The following GNPNAT1 variants were observed in gnomAD, a reference collection of about 807,000 sequenced individuals.
GNPNAT1 encodes the protein glucosamine-phosphate N-acetyltransferase 1.
GNPNAT1 carries 11 observed loss-of-function variants against 19.8 expected under a neutral mutation model. The ratio of observed to expected loss-of-function variants is 0.56; its 90% CI spans 0.35 to 0.92. GNPNAT1 has a LOEUF of 0.92. GNPNAT1 is among the 40% of genes least tolerant of loss of function. The pLI is 0.01. For synonymous variants in GNPNAT1, 71 were observed against 72.3 expected (o/e 0.98, Z 0.09); for missense variants, 157 against 211.0 (o/e 0.74, Z 1.59).
chr14:52,787,167 A>G (rs1434975075), intron 1 of GNPNAT1, among the ~76,000 whole-genome samples: 1 of 151,998 alleles, frequency 6.6e-6, no homozygotes, highest in Non-Finnish European at 1.5e-5. Flanking sequence ...ACTTATTTCT[A>G]TATCCAGTTA....
At position 52,775,520 on chromosome 14, in the gene GNPNAT1, C is replaced by G. The variant is rs1243821950; in HGVS notation, c.*2791G>C. ...TTACAGTGCATCTTAGTTGATGAAA[C>G]AAAAATATACAAAACATGAGACACA... On this transcript the variant is annotated 3_prime_UTR_variant, in exon 6 of 6. Coordinates refer to ENST00000216410, the MANE Select transcript of GNPNAT1 (RefSeq NM_198066.4). 6.6e-6 allele frequency: 1 copy of G among 151,962 alleles called. No individual in the cohort carries two copies. The highest frequency in any genetic ancestry group is 1.5e-5 in the Non-Finnish European group (1 of 67,986). 9.4% of individuals were successfully genotyped at this position (151,962 alleles called of 1,614,324 possible).
chr14:52,779,905 G>A (rs1882847704), intron 5 of GNPNAT1, among the ~76,000 whole-genome samples: 1 of 151,818 alleles, frequency 6.6e-6, no homozygotes, highest in South Asian at 2.1e-4. Context: ...CAAGTTCTTG[G>A]GCCAGGCACA....
In GNPNAT1 at chr14:52,784,494, T is replaced by TA; in HGVS notation, c.154+2dup. 2 of 1,561,910 alleles carry TA rather than the reference T, an allele frequency of 1.3e-6. No homozygotes were observed. Among genetic ancestry groups the TA allele is most frequent in the Non-Finnish European group, 1.7e-6 (2 of 1,161,248 alleles). On this transcript the variant is annotated splice_region_variant and intron_variant, in intron 2 of 5. Coordinates refer to ENST00000216410, the MANE Select transcript of GNPNAT1 (RefSeq NM_198066.4). ...TAATTTTACACAGGATTTTGTACAT[T>TA]ACCTCTATTTAAGTCAGCAGTACAA...
At chr14:52,786,268 G>A (rs1435099746) in intron 1 of GNPNAT1, among the ~76,000 whole-genome samples, 1 of 151,776 alleles carries the variant, frequency 6.6e-6, no homozygotes, top group Non-Finnish European at 1.5e-5. Flanking sequence ...ACTTTGAGAG[G>A]CAGAGGCAGG....
chr14:52,790,619 C>T (rs1337993966), intron 1 of GNPNAT1, among the ~76,000 whole-genome samples: 2 of 152,176 alleles, frequency 1.3e-5, no homozygotes, highest in Admixed American at 1.3e-4. Flanking sequence ...CTAGAATCCT[C>T]GTTTTCGCAT....
At chr14:52,783,619 A>G in intron 2 of GNPNAT1, 134 bp from the exon 3 acceptor site, 1 of 627,984 alleles carries the variant, frequency 1.6e-6, no homozygotes, top group East Asian at 2.8e-5. Flanking sequence ...TAATTATTAG[A>G]ATAAAGTGAA....
At chr14:52,788,675 A>C (rs1883080061) in intron 1 of GNPNAT1, among the ~76,000 whole-genome samples, 1 of 152,230 alleles carries the variant, frequency 6.6e-6, no homozygotes, top group South Asian at 2.1e-4. Flanking sequence ...TATAGTTGTA[A>C]ATACAAAGTT....
chr14:52,779,724 T>TAAAAAA lies in GNPNAT1; in HGVS notation c.407+949_407+954dup, dbSNP rs35906707. On this transcript the variant is annotated intron_variant, in intron 5 of 5. Transcript: ENST00000216410. ...GGCAACAGAAAGAGATCCCATCTCT[T>TAAAAAA]AAAAAAAAAAAAAAAAAAAAAAAAA... Among the ~76,000 whole-genome samples, 16 of 38,210 alleles carry TAAAAAA rather than the reference T, an allele frequency of 4.2e-4. 1 individual carries two copies. Among genetic ancestry groups the TAAAAAA allele is most frequent in the Non-Finnish European group, 5.5e-4 (13 of 23,674 alleles). The allele number at this position is 38,210 out of a possible 152,430, so 25.1% of individuals were successfully genotyped here.
chr14:52,778,761 T>C (rs1166568090), intron 5 of GNPNAT1, among the ~76,000 whole-genome samples: 1 of 152,134 alleles, frequency 6.6e-6, no homozygotes, highest in Non-Finnish European at 1.5e-5. Flanking sequence ...CTCATACCTG[T>C]AATCCTAGCA....
At position 52,786,589 on chromosome 14, in the gene GNPNAT1, T is replaced by C. The variant is rs577629257; in HGVS notation, c.-14-1925A>G. Among the ~76,000 whole-genome samples, 54 of 152,246 alleles carry C rather than the reference T, an allele frequency of 3.5e-4. 1 individual carries two copies. In the South Asian group the frequency reaches 8.5e-3, roughly 24 times the overall value. ...AAAATAGCTGGTGTTTTTCATGCTATTGAAAAGTGATCATGATATTTCCCC... is the reference window on the plus strand; with the variant it reads ...AAAATAGCTGGTGTTTTTCATGCTACTGAAAAGTGATCATGATATTTCCCC... On this transcript the variant is annotated intron_variant, in intron 1 of 5. Coordinates refer to ENST00000216410, the MANE Select transcript of GNPNAT1 (RefSeq NM_198066.4).
chr14:52,788,515 A>C (rs1300158143), intron 1 of GNPNAT1, among the ~76,000 whole-genome samples: 1 of 152,214 alleles, frequency 6.6e-6, no homozygotes, highest in Non-Finnish European at 1.5e-5. Context: ...TTTTGTGTGT[A>C]ATCTCATCTG....
At chr14:52,790,716 C>T (rs1883152069) in intron 1 of GNPNAT1, among the ~76,000 whole-genome samples, 1 of 152,204 alleles carries the variant, frequency 6.6e-6, no homozygotes, top group Non-Finnish European at 1.5e-5. Context: ...TTTAGCAAAT[C>T]CTGCCTAAAT....
chr14:52,781,794 G>A lies in GNPNAT1; in HGVS notation c.335C>T (p.Ser112Phe). 1 of 1,600,694 alleles carries A rather than the reference G, an allele frequency of 6.2e-7. No individual in the cohort carries two copies. The highest frequency in any genetic ancestry group is 8.5e-7 in the Non-Finnish European group (1 of 1,176,170). ...TLIIEHKFIH[S>F]CAKRGRVEDV... ...ATAAGCAGCACATACCTTAGCACAG[G>A]AATGGATGAATTTATGTTCTATAAT... The change falls in exon 4 of 6, where the codon TCC becomes TTC. Residue 112 changes from serine (S) to phenylalanine (F), a missense_variant. Coordinates refer to ENST00000216410, the MANE Select transcript of GNPNAT1 (RefSeq NM_198066.4).
chr14:52,776,477 C>A lies in GNPNAT1; in HGVS notation c.*1834G>T, dbSNP rs1882724030. 6.6e-6 allele frequency: 1 copy of A among 152,108 alleles called. No individual in the cohort carries two copies. 9.4% of individuals were successfully genotyped at this position (152,108 alleles called of 1,614,324 possible). On this transcript the variant is annotated 3_prime_UTR_variant, in exon 6 of 6. Transcript: ENST00000216410. ...TTAAAGGGATTTACTGAAGTGCCAA[C>A]CTTGTGAATGATTTTACCTCAAATT...
chr14:52,789,978 C>T (rs1186414325), intron 1 of GNPNAT1, among the ~76,000 whole-genome samples: 16 of 76,434 alleles, frequency 2.1e-4, no homozygotes, highest in African/African-American at 8.0e-4. Flanking sequence ...TCAGAAAATC[C>T]AGAAGGACAA....
At chr14:52,784,373 A>G in intron 2 of GNPNAT1, 124 bp downstream of exon 2, 1 of 654,106 alleles carries the variant, frequency 1.5e-6, no homozygotes, top group Non-Finnish European at 2.3e-6. Flanking sequence ...CCATCACTTT[A>G]AAAACTAAGT....
At chr14:52,778,834 C>T (rs972340172) in intron 5 of GNPNAT1, among the ~76,000 whole-genome samples, 5 of 151,964 alleles carry the variant, frequency 3.3e-5, no homozygotes, top group Non-Finnish European at 5.9e-5. Flanking sequence ...CTGGGAAACA[C>T]GGCAAAACCC....
At chr14:52,781,650 C>T in intron 4 of GNPNAT1, 134 bp downstream of exon 4, 1 of 768,420 alleles carries the variant, frequency 1.3e-6, no homozygotes, top group Non-Finnish European at 2.1e-6. Flanking sequence ...TTTCTTAAAG[C>T]TCTCAGAACA....
At chr14:52,780,428 G>A (rs950755775) in intron 5 of GNPNAT1, among the ~76,000 whole-genome samples, 3 of 152,120 alleles carry the variant, frequency 2.0e-5, no homozygotes, top group Non-Finnish European at 2.9e-5. Context: ...CTACTAGGAC[G>A]AGAGCATTAC....
Sources: gnomAD v4.1 joint callset for allele counts (sites outside exome capture counted in the v4.1 genomes callset) on GRCh38, gnomAD v4.1.1 for gene constraint, MANE v1.5 for transcripts, NCBI Gene and HGNC (gene_info 2026-07-23, HGNC 2026-07-21) for gene names.